LRP1B: variants seen among roughly 807,000 people sequenced by gnomAD.
The protein encoded by LRP1B is low-density lipoprotein receptor-related protein 1B.
LRP1B carries 217 observed loss-of-function variants against 556.6 expected under a neutral mutation model. The observed-to-expected ratio is 0.39, with a 90% CI of 0.35 to 0.44. The LOEUF is 0.44. LRP1B is among the 20% of genes least tolerant of loss of function. LRP1B has a pLI of 1.00. For missense variants in LRP1B, 5,053 were observed against 5,620.8 expected (o/e 0.90, Z 3.23); for synonymous variants, 2,047 against 1,865.8 (o/e 1.10, Z -2.50).
At chr2:141,074,156 T>G (rs1699719748) in intron 7 of LRP1B, among the ~76,000 whole-genome samples, 1 of 152,050 alleles carries the variant, frequency 6.6e-6, no homozygotes, top group African/African-American at 2.4e-5. Flanking sequence ...CCAGTGATGC[T>G]CTTCTCTATT....
At chr2:140,631,369 A>G (rs746829679) in intron 41 of LRP1B, among the ~76,000 whole-genome samples, 20 of 152,230 alleles carry the variant, frequency 1.3e-4, no homozygotes, top group Non-Finnish European at 2.5e-4. Flanking sequence ...ATCAGACCAG[A>G]AACTTCCAAT....
chr2:142,130,353 T>C (rs1313895860), intron 1 of LRP1B, among the ~76,000 whole-genome samples: 1 of 152,132 alleles, frequency 6.6e-6, no homozygotes, highest in South Asian at 2.1e-4. Context: ...TCTGCAGCGC[T>C]TAGAATTCGC....
At chr2:141,695,992 A>G (rs1369120399) in intron 2 of LRP1B, among the ~76,000 whole-genome samples, 2 of 151,888 alleles carry the variant, frequency 1.3e-5, no homozygotes, top group African/African-American at 2.4e-5. Context: ...CTACCTTGTG[A>G]AAAAAAATCT....
intron 9 of LRP1B, among the ~76,000 whole-genome samples, chr2:141,058,351 T>A (rs903190989): frequency 2.6e-5 from 4 of 151,904 alleles, no homozygotes; most frequent in Admixed American, 1.3e-4. Context: ...TGATTGAACC[T>A]AAATTGTATT....
intron 2 of LRP1B, among the ~76,000 whole-genome samples, chr2:141,671,062 T>C (rs1690647756): frequency 6.6e-6 from 1 of 152,198 alleles, no homozygotes; most frequent in South Asian, 2.1e-4. Context: ...TGAATTTTGG[T>C]AGACTCTAAT....
chr2:140,244,775 G>A (rs1402596672), intron 87 of LRP1B, among the ~76,000 whole-genome samples: 2 of 140,632 alleles, frequency 1.4e-5, no homozygotes, highest in African/African-American at 6.4e-5. Context: ...GACAGAGGCA[G>A]TGTATTCTGG....
intron 1 of LRP1B, among the ~76,000 whole-genome samples, chr2:141,985,820 T>C (rs1424603816): frequency 6.6e-6 from 1 of 152,006 alleles, no homozygotes; most frequent in Non-Finnish European, 1.5e-5. Context: ...TTATTCTGTA[T>C]AGCAAATATG....
chr2:141,411,954 T>C (rs1359834860), intron 3 of LRP1B, among the ~76,000 whole-genome samples: 1 of 152,030 alleles, frequency 6.6e-6, no homozygotes, highest in Non-Finnish European at 1.5e-5. Flanking sequence ...AACAAAGTCT[T>C]GACTATGTTT....
intron 66 of LRP1B, among the ~76,000 whole-genome samples, chr2:140,392,360 A>C (rs1220816721): frequency 1.3e-5 from 2 of 152,196 alleles, no homozygotes; most frequent in African/African-American, 2.4e-5. Flanking sequence ...AGGGGACAGA[A>C]GATCATCCCT....
At chr2:141,729,929 T>C (rs1189528392) in intron 2 of LRP1B, among the ~76,000 whole-genome samples, 1 of 152,100 alleles carries the variant, frequency 6.6e-6, no homozygotes, top group Non-Finnish European at 1.5e-5. Context: ...GGGCCCAAGT[T>C]GTGTTATTTC....
At chr2:141,488,971 T>TTTTTTTGTTTG (rs748943953) in intron 2 of LRP1B, among the ~76,000 whole-genome samples, 1 of 59,652 alleles carries the variant, frequency 1.7e-5, no homozygotes, top group African/African-American at 3.1e-5. Flanking sequence ...GTTTGTTTTT[T>TTTTTTTGTTTG]TTTGTTTGTT....
At chr2:141,009,622 ATG>A (rs1166153288) in intron 14 of LRP1B, among the ~76,000 whole-genome samples, 1 of 151,996 alleles carries the variant, frequency 6.6e-6, no homozygotes, top group Admixed American at 6.6e-5. Flanking sequence ...CTATAAAATA[ATG>A]TGATTAATAA....
intron 3 of LRP1B, 110 bp downstream of exon 3, chr2:141,480,286 A>G: frequency 8.6e-7 from 1 of 1,163,924 alleles, no homozygotes; most frequent in South Asian, 1.3e-5. Context: ...CTTTCTTAAT[A>G]ACTGATATGC....
At chr2:140,858,467 A>T (rs2105135431) in intron 27 of LRP1B, among the ~76,000 whole-genome samples, 1 of 147,856 alleles carries the variant, frequency 6.8e-6, no homozygotes, top group Non-Finnish European at 1.5e-5. Context: ...TGCTAAAAAA[A>T]TTATTTTATA....
chr2:141,577,807 C>G (rs1314873699), intron 2 of LRP1B, among the ~76,000 whole-genome samples: 1 of 152,146 alleles, frequency 6.6e-6, no homozygotes, highest in Non-Finnish European at 1.5e-5. Flanking sequence ...ATTCTCCTGG[C>G]AGGACACAAG....
chr2:141,508,089 C>T (rs75088460), intron 2 of LRP1B, among the ~76,000 whole-genome samples: 9 of 20,732 alleles, frequency 4.3e-4, no homozygotes, highest in East Asian at 1.6e-3. Flanking sequence ...CCATCCCCCC[C>T]CCAAAAAAAA....
chr2:140,305,275 T>G (rs1684017627), intron 83 of LRP1B, among the ~76,000 whole-genome samples: 1 of 152,176 alleles, frequency 6.6e-6, no homozygotes, highest in African/African-American at 2.4e-5. Flanking sequence ...ATACTGATTC[T>G]TCCTATCCAT....
At chr2:141,752,334 C>T (rs574064009) in intron 2 of LRP1B, among the ~76,000 whole-genome samples, 14 of 152,206 alleles carry the variant, frequency 9.2e-5, no homozygotes, top group African/African-American at 3.4e-4. Context: ...GGAGAAATCT[C>T]TCATAAGGAA....
chr2:141,287,699 A>G (rs1158023756), intron 3 of LRP1B, among the ~76,000 whole-genome samples: 1 of 152,092 alleles, frequency 6.6e-6, no homozygotes, highest in Non-Finnish European at 1.5e-5. Flanking sequence ...AAACTTTTCC[A>G]TTGTGGTGAG....
Sources: gnomAD v4.1 joint callset for allele counts (sites outside exome capture counted in the v4.1 genomes callset) on GRCh38, gnomAD v4.1.1 for gene constraint, MANE v1.5 for transcripts, NCBI Gene and HGNC (gene_info 2026-07-23, HGNC 2026-07-21) for gene names.